Variants in ZNF462 observed in about 807,000 individuals in gnomAD.
ZNF462 encodes zinc finger protein 462.
Under a neutral mutation model 201.9 loss-of-function variants are expected in ZNF462, and 10 were observed. That is an observed-to-expected ratio of 0.05 (90% CI 0.03 to 0.08). ZNF462 has a LOEUF of 0.08. Ranked by LOEUF, ZNF462 falls within the 10% of genes least tolerant of loss-of-function variation. The pLI, the probability that ZNF462 is intolerant of heterozygous loss-of-function variation, is 1.00. For synonymous variants in ZNF462, 1,227 were observed against 1,193.3 expected (o/e 1.03, Z -0.58); for missense variants, 2,523 against 3,168.3 (o/e 0.80, Z 4.89).
intron 7 of ZNF462, among the ~76,000 whole-genome samples, chr9:106,951,883 G>GTCGC (rs1270324136): frequency 3.3e-5 from 5 of 151,016 alleles, no homozygotes; most frequent in Non-Finnish European, 5.9e-5. Context: ...GAATTTTGGA[G>GTCGC]TCGCGGTGCT....
Position 106,929,024 on chromosome 9 carries a change from C to A in ZNF462, c.5112C>A (p.Tyr1704Ter). The change falls in exon 3 of 13, where the codon TAC becomes TAA. Residue 1704 changes from tyrosine (Y) to a stop codon, truncating the protein, a stop_gained. Transcript: ENST00000277225. LOFTEE classifies it high-confidence loss of function. This position sits in a 1 kb window ranked among gnomAD's most constrained non-coding sequence, Gnocchi z 8.7. ...TCTTCAAGTGTGCCCTGTGTGCCTA[C>A]ACCAACCCCATCCGCAAAGGTCTGG... ...NNLFKCALCAYTNPIRKGLAA... is the reference protein window; with the variant it reads ...NNLFKCALCA 6.2e-7 allele frequency: 1 copy of A among 1,614,128 alleles called. No individual in the cohort carries two copies. Among genetic ancestry groups the A allele is most frequent in the Non-Finnish European group, 8.5e-7 (1 of 1,180,034 alleles).
At chr9:106,871,718 A>G (rs1236772068) in intron 1 of ZNF462, among the ~76,000 whole-genome samples, 8 of 152,244 alleles carry the variant, frequency 5.3e-5, no homozygotes, top group Non-Finnish European at 1.2e-4. Flanking sequence ...GATAAAGGAC[A>G]GATGGAAACT....
At chr9:106,909,541 G>T (rs1311440197) in intron 1 of ZNF462, among the ~76,000 whole-genome samples, 1 of 152,060 alleles carries the variant, frequency 6.6e-6, no homozygotes. Context: ...TTACTTACAT[G>T]CTGCATTCTC....
chr9:106,882,921 A>G (rs1305252185), intron 1 of ZNF462, among the ~76,000 whole-genome samples: 1 of 152,220 alleles, frequency 6.6e-6, no homozygotes, highest in Non-Finnish European at 1.5e-5. Context: ...ATGAGTATGT[A>G]GTGTTTCCTA....
rs1238952419 is a variant in ZNF462, at chr9:107,010,397, T to G, written c.7314-426T>G. Among the ~76,000 whole-genome samples the G allele has an allele frequency of 6.6e-6, 1 of 152,178 alleles. No individual in the cohort carries two copies. Among genetic ancestry groups the G allele is most frequent in the African/African-American group, 2.4e-5 (1 of 41,450 alleles). On this transcript the variant is annotated intron_variant, in intron 12 of 12. Coordinates refer to ENST00000277225, the MANE Select transcript of ZNF462 (RefSeq NM_021224.6). The surrounding 1 kb of genome is among the most constrained non-coding windows in gnomAD (Gnocchi z 4.6). ...GTTTCGGGACCTGACAAATAAATCTTTAGTACCTGAGTTACTCTTTTAGAC... is the reference window on the plus strand; with the variant it reads ...GTTTCGGGACCTGACAAATAAATCTGTAGTACCTGAGTTACTCTTTTAGAC...
intron 10 of ZNF462, among the ~76,000 whole-genome samples, chr9:106,999,596 A>G (rs1469075453): frequency 1.3e-5 from 2 of 152,202 alleles, no homozygotes; most frequent in Non-Finnish European, 2.9e-5. Context: ...TGATGTGTAC[A>G]CTATGCCAGG....
intron 11 of ZNF462, among the ~76,000 whole-genome samples, chr9:107,007,743 G>T (rs1829655386): frequency 6.6e-6 from 1 of 152,170 alleles, no homozygotes; most frequent in Non-Finnish European, 1.5e-5. Flanking sequence ...GGAGCAGAGG[G>T]CAGGAGGTGG....
Position 106,872,716 on chromosome 9 carries a change from C to G in ZNF462, c.-31+9361C>G, listed in dbSNP as rs1409650899. Among the ~76,000 whole-genome samples the G allele has an allele frequency of 6.6e-6, 1 of 152,096 alleles. No individual in the cohort carries two copies. The highest frequency in any genetic ancestry group is 1.5e-5 in the Non-Finnish European group (1 of 68,012). The stretch of plus-strand genomic sequence containing the variant: ...CGGAGTTCAGTTGCAAGAACTTCCC[C>G]CCTTTCTGCTGTCAATTGAATATTG... On this transcript the variant is annotated intron_variant, in intron 1 of 12. Coordinates refer to ENST00000277225, the MANE Select transcript of ZNF462 (RefSeq NM_021224.6). This position sits in a 1 kb window ranked among gnomAD's most constrained non-coding sequence, Gnocchi z 4.5.
chr9:106,948,856 A>G (rs1350511373), intron 7 of ZNF462, among the ~76,000 whole-genome samples: 1 of 151,776 alleles, frequency 6.6e-6, no homozygotes, highest in Non-Finnish European at 1.5e-5. Context: ...ATTTTTATGT[A>G]TAATAAATTA....
At chr9:106,882,242 T>A (rs889368976) in intron 1 of ZNF462, among the ~76,000 whole-genome samples, 7 of 152,220 alleles carry the variant, frequency 4.6e-5, no homozygotes, top group Admixed American at 1.3e-4. Flanking sequence ...TGAGTCTCCC[T>A]TGCTCACTAG....
rs1828320500 is a variant in ZNF462, at chr9:106,886,421, C to T, written c.-31+23066C>T. Among the ~76,000 whole-genome samples the T allele has an allele frequency of 1.3e-5, 2 of 152,170 alleles. No individual in the cohort carries two copies. Among genetic ancestry groups the T allele is most frequent in the African/African-American group, 2.4e-5 (1 of 41,442 alleles). On this transcript the variant is annotated intron_variant, in intron 1 of 12. Transcript: ENST00000277225. This position sits in a 1 kb window ranked among gnomAD's most constrained non-coding sequence, Gnocchi z 4.6. ...CAGGATTCAAGCCACTGCATGTTGG[C>T]AATGTAGTAGATCCTGGTTTTAAAA...
At chr9:106,942,992 A>G (rs182694783) in intron 7 of ZNF462, among the ~76,000 whole-genome samples, 1 of 152,172 alleles carries the variant, frequency 6.6e-6, no homozygotes, top group Admixed American at 6.6e-5. Flanking sequence ...TAGGACAAAA[A>G]CAAAAATCAG....
chr9:106,943,057 C>CGTGTGTGTGT (rs577655863), intron 7 of ZNF462, among the ~76,000 whole-genome samples: 9,093 of 136,502 alleles, frequency 0.067, 305 homozygotes, highest in African/African-American at 0.089. Flanking sequence ...GTTTTGCGCG[C>CGTGTGTGTGT]GCGTGTGTGT....
intron 10 of ZNF462, among the ~76,000 whole-genome samples, chr9:106,987,645 A>G (rs1827955189): frequency 6.6e-6 from 1 of 152,166 alleles, no homozygotes; most frequent in African/African-American, 2.4e-5. Flanking sequence ...TCTTTCTGCC[A>G]TGCAAAAGCT....
At position 106,974,047 on chromosome 9, in the gene ZNF462, G is replaced by A. The variant is rs933855306; in HGVS notation, c.6696-90G>A. On this transcript the variant is annotated intron_variant, in intron 8 of 12. Transcript: ENST00000277225. The surrounding 1 kb of genome is among the most constrained non-coding windows in gnomAD (Gnocchi z 4.0). Reference sequence around the variant, plus strand: ...CCCACAAGCAGGAGAGCCGCACTTGGACATATATAACGGGTTTGCCAGCAG... The same window carrying A: ...CCCACAAGCAGGAGAGCCGCACTTGAACATATATAACGGGTTTGCCAGCAG... The A allele has an allele frequency of 3.2e-6, 5 of 1,540,336 alleles. No individual in the cohort carries two copies. The highest frequency in any genetic ancestry group is 2.7e-5 in the African/African-American group (2 of 73,112).
In ZNF462 at chr9:106,966,213, A is replaced by G. The variant is rs796952174; in HGVS notation, c.6428-5792A>G. ...CTATTTTAGAACTTGGCGATTTTAAATTGTCCCTTACACAACCTACCCCAC... is the reference window on the plus strand; with the variant it reads ...CTATTTTAGAACTTGGCGATTTTAAGTTGTCCCTTACACAACCTACCCCAC... On this transcript the variant is annotated intron_variant, in intron 7 of 12. Coordinates refer to ENST00000277225, the MANE Select transcript of ZNF462 (RefSeq NM_021224.6). The surrounding 1 kb of genome is among the most constrained non-coding windows in gnomAD (Gnocchi z 4.4). Among the ~76,000 whole-genome samples the G allele has an allele frequency of 1.3e-5, 2 of 152,008 alleles. No homozygotes were observed. Among genetic ancestry groups the G allele is most frequent in the Admixed American group, 1.3e-4 (2 of 15,244 alleles).
At chr9:106,941,714 A>T (rs1475883503) in intron 7 of ZNF462, among the ~76,000 whole-genome samples, 18 of 152,258 alleles carry the variant, frequency 1.2e-4, no homozygotes, top group Non-Finnish European at 1.5e-5. Context: ...TATTCACATG[A>T]ATGAATAATT....
In ZNF462 at chr9:106,872,543, A is replaced by G. The variant is rs1232499306; in HGVS notation, c.-31+9188A>G. Among the ~76,000 whole-genome samples the G allele has an allele frequency of 6.6e-6, 1 of 151,996 alleles. No homozygotes were observed. Among genetic ancestry groups the G allele is most frequent in the Admixed American group, 6.6e-5 (1 of 15,248 alleles). ...ATGCCCAGCTAATTTCTTGTATTTT[A>G]GTAGAGACGGGGTTTCACTGTGTTG... On this transcript the variant is annotated intron_variant, in intron 1 of 12. Coordinates refer to ENST00000277225, the MANE Select transcript of ZNF462 (RefSeq NM_021224.6). The surrounding 1 kb of genome is among the most constrained non-coding windows in gnomAD (Gnocchi z 4.5).
rs1829723207 is a variant in ZNF462 at position 107,008,569 on chromosome 9, A to G, written c.7190-976A>G. Among the ~76,000 whole-genome samples the G allele has an allele frequency of 6.6e-6, 1 of 152,168 alleles. No individual in the cohort carries two copies. Among genetic ancestry groups the G allele is most frequent in the Non-Finnish European group, 1.5e-5 (1 of 68,028 alleles). ...TTTGCAACACGGCTGCAGAACTGGC[A>G]AGGTCCTGCTGTTTATTACCTACAT... On this transcript the variant is annotated intron_variant, in intron 11 of 12. Transcript: ENST00000277225. This position sits in a 1 kb window ranked among gnomAD's most constrained non-coding sequence, Gnocchi z 4.8.
Sources: gnomAD v4.1 joint callset for allele counts (sites outside exome capture counted in the v4.1 genomes callset) on GRCh38, gnomAD v4.1.1 for gene constraint, Gnocchi (gnomAD v3.1) non-coding constraint, MANE v1.5 for transcripts, NCBI Gene and HGNC (gene_info 2026-07-23, HGNC 2026-07-21) for gene names.